TAF2: variants seen among roughly 807,000 people sequenced by gnomAD.
The protein encoded by TAF2 is transcription initiation factor TFIID subunit 2.
TAF2 carries 61 observed loss-of-function variants against 138.5 expected under a neutral mutation model. The ratio of observed to expected loss-of-function variants is 0.44; its 90% CI spans 0.36 to 0.54. TAF2 has a LOEUF of 0.54. Ranked by LOEUF, TAF2 falls within the 20% of genes least tolerant of loss-of-function variation. TAF2 has a pLI of 0.00. For missense variants in TAF2, 1,090 were observed against 1,427.9 expected, an observed-to-expected ratio of 0.76 and a Z score of 3.81; for synonymous variants, 475 against 469.9, an observed-to-expected ratio of 1.01 and a Z score of -0.14.
intron 18 of TAF2, among the ~76,000 whole-genome samples, chr8:119,774,274 T>C (rs1822062479): frequency 6.6e-6 from 1 of 152,176 alleles, no homozygotes; most frequent in Non-Finnish European, 1.5e-5. Context: ...CTAGTATTAA[T>C]GTCTATTAAA....
At position 119,832,602 on chromosome 8, in the gene TAF2, G is replaced by A; in HGVS notation, c.-38C>T. ...CGGAGCTTGGCTTCCCGGCTTCCTA[G>A]GGGGATACGGGGCATTACTAGTCTT... On this transcript the variant is annotated 5_prime_UTR_variant, in exon 1 of 26. Coordinates refer to ENST00000378164, the MANE Select transcript of TAF2 (RefSeq NM_003184.4). 3 of 1,585,488 alleles carry A rather than the reference G, an allele frequency of 1.9e-6. No homozygotes were observed. Among genetic ancestry groups the A allele is most frequent in the Non-Finnish European group, 2.6e-6 (3 of 1,159,436 alleles).
In TAF2 at chr8:119,803,765, T is replaced by C. The variant is rs553477887; in HGVS notation, c.560+113A>G. 1.2e-4 allele frequency: 135 copies of C among 1,099,526 alleles called. 1 individual carries two copies. In the South Asian group the frequency reaches 2.1e-3, roughly 17 times the overall value. 68.1% of individuals were successfully genotyped at this position (1,099,526 alleles called of 1,614,324 possible). A position where few individuals can be genotyped will look rare whatever the true frequency, so the allele number is the denominator to read the frequency against. On this transcript the variant is annotated intron_variant, in intron 5 of 25. Transcript: ENST00000378164. Reference sequence around the variant, plus strand: ...GAAAGTAATTTGAAAGAAGTCTAAATTTGGAAGGGAATAAAACTAGTATTT... The same window carrying C: ...GAAAGTAATTTGAAAGAAGTCTAAACTTGGAAGGGAATAAAACTAGTATTT...
chr8:119,784,313 C>T (rs1196254135), intron 15 of TAF2, among the ~76,000 whole-genome samples: 1 of 152,092 alleles, frequency 6.6e-6, no homozygotes, highest in South Asian at 2.1e-4. Flanking sequence ...CCAGCACTTT[C>T]GGAGGTTGAG....
rs1587628007 is a variant in TAF2, at chr8:119,732,204, C to T, written c.3338-18G>A. 2 of 1,610,330 alleles carry T rather than the reference C, an allele frequency of 1.2e-6. No individual in the cohort carries two copies. Among genetic ancestry groups the T allele is most frequent in the South Asian group, 1.1e-5 (1 of 91,018 alleles). On this transcript the variant is annotated intron_variant, in intron 25 of 25. Coordinates refer to ENST00000378164, the MANE Select transcript of TAF2 (RefSeq NM_003184.4). ...TTCTTTACCTTCAAGATTAAAAATACCCAAATGAATTCCTGCTGATGATAC... is the reference window on the plus strand; with the variant it reads ...TTCTTTACCTTCAAGATTAAAAATATCCAAATGAATTCCTGCTGATGATAC...
intron 3 of TAF2, among the ~76,000 whole-genome samples, chr8:119,813,232 T>C (rs1239091489): frequency 6.6e-6 from 1 of 152,258 alleles, no homozygotes; most frequent in Non-Finnish European, 1.5e-5. Context: ...GTGTTGACTA[T>C]TTGTATATCT....
intron 21 of TAF2, among the ~76,000 whole-genome samples, chr8:119,757,847 G>T (rs1347114945): frequency 6.6e-6 from 1 of 151,840 alleles, no homozygotes; most frequent in Non-Finnish European, 1.5e-5. Flanking sequence ...AGTGAGCCGA[G>T]ATCGTGCCAC....
chr8:119,765,501 A>G (rs1368861477), intron 18 of TAF2, among the ~76,000 whole-genome samples: 1 of 152,172 alleles, frequency 6.6e-6, no homozygotes, highest in Non-Finnish European at 1.5e-5. Flanking sequence ...GAAAATGAGT[A>G]TGTTAAAGGA....
intron 6 of TAF2, among the ~76,000 whole-genome samples, chr8:119,800,068 C>T (rs1824142818): frequency 1.3e-5 from 2 of 152,124 alleles, no homozygotes; most frequent in Non-Finnish European, 2.9e-5. Context: ...GAGTAGATTG[C>T]AAAAATTTTT....
chr8:119,757,979 A>G, intron 21 of TAF2, 94 bp downstream of exon 21: 4 of 1,051,798 alleles, frequency 3.8e-6, no homozygotes, highest in Non-Finnish European at 5.9e-6. Flanking sequence ...CATATTTTCA[A>G]AAATCATAAA....
intron 2 of TAF2, among the ~76,000 whole-genome samples, chr8:119,830,401 T>C (rs1439251226): frequency 1.3e-5 from 2 of 152,190 alleles, no homozygotes; most frequent in Admixed American, 1.3e-4. Context: ...TTTTCACTAA[T>C]GCTATCTTCA....
intron 11 of TAF2, among the ~76,000 whole-genome samples, chr8:119,789,947 T>C (rs1823302649): frequency 6.6e-6 from 1 of 152,140 alleles, no homozygotes; most frequent in South Asian, 2.1e-4. Flanking sequence ...CCATTCTTCA[T>C]ATAAACATTA....
chr8:119,743,768 G>T (rs1030494652), intron 24 of TAF2, among the ~76,000 whole-genome samples: 1 of 151,970 alleles, frequency 6.6e-6, no homozygotes, highest in Admixed American at 6.6e-5. Flanking sequence ...ACATAAAAAT[G>T]AAAAACAACC....
At chr8:119,732,744 C>T (rs765494792) in intron 25 of TAF2, among the ~76,000 whole-genome samples, 2 of 152,118 alleles carry the variant, frequency 1.3e-5, no homozygotes, top group African/African-American at 2.4e-5. Flanking sequence ...GCCGAGGTTG[C>T]AGTGAGCTGA....
rs1028126070 is a variant in TAF2 at position 119,832,775 on chromosome 8, T to C, written c.-211A>G. ...AGAAGCCGCCGTCGACAAGCTTCTG[T>C]CACAGAGATGCTCCTCTCCGCAAGG... On this transcript the variant is annotated 5_prime_UTR_variant, in exon 1 of 26. The change abolishes the stop of an existing upstream ORF in the 5' untranslated region. Transcript: ENST00000378164. The C allele has an allele frequency of 4.5e-5, 23 of 510,252 alleles. No homozygotes were observed. Among genetic ancestry groups the C allele is most frequent in the African/African-American group, 4.2e-4 (22 of 51,930 alleles). 31.6% of individuals were successfully genotyped at this position (510,252 alleles called of 1,614,324 possible). A position where few individuals can be genotyped will look rare whatever the true frequency, so the allele number is the denominator to read the frequency against.
chr8:119,731,925 C>A lies in TAF2; in HGVS notation c.3599G>T (p.Ter1200LeuextTer41). The A allele has an allele frequency of 6.2e-7, 1 of 1,613,852 alleles. No individual in the cohort carries two copies. The highest frequency in any genetic ancestry group is 1.1e-5 in the South Asian group (1 of 91,022). Residue 1200 changes from the stop codon to leucine (L), a stop_lost, in exon 26 of 26, where the codon TGA becomes TTA. Transcript: ENST00000378164. ...AGGAAAGGTCTTTTTGTCCCCTTCTCAGTCTGAAAGGGAAGGAGAACGAAT... is the reference window on the plus strand; with the variant it reads ...AGGAAAGGTCTTTTTGTCCCCTTCTAAGTCTGAAAGGGAAGGAGAACGAAT... ...RSIRSPSLSD[*>L]
In TAF2 at chr8:119,760,593, T is replaced by C. The variant is rs1019271971; in HGVS notation, c.2698+6A>G. 6.2e-7 allele frequency: 1 copy of C among 1,612,232 alleles called. No homozygotes were observed. Among genetic ancestry groups the C allele is most frequent in the Admixed American group, 1.7e-5 (1 of 59,998 alleles). On this transcript the variant is annotated splice_donor_region_variant and intron_variant, in intron 20 of 25. Coordinates refer to ENST00000378164, the MANE Select transcript of TAF2 (RefSeq NM_003184.4). ...ATGATATGAGCACGTATTTCTAAAG[T>C]ATTACCTTTAGTATAATCAACAACT...
At chr8:119,755,864 T>A (rs1028505100) in intron 22 of TAF2, 142 bp downstream of exon 22, 2 of 655,788 alleles carry the variant, frequency 3.0e-6, no homozygotes, top group African/African-American at 3.7e-5. Context: ...GCCACCACTG[T>A]GAAGGTGTGA....
chr8:119,769,661 C>T (rs1185603388), intron 18 of TAF2, among the ~76,000 whole-genome samples: 1 of 151,720 alleles, frequency 6.6e-6, no homozygotes, highest in Non-Finnish European at 1.5e-5. Flanking sequence ...ACTTAAAGCA[C>T]TTCAAAACAC....
chr8:119,803,116 A>C (rs1246837965), intron 5 of TAF2, among the ~76,000 whole-genome samples: 1 of 152,142 alleles, frequency 6.6e-6, no homozygotes, highest in African/African-American at 2.4e-5. Flanking sequence ...GTTTCAAAAA[A>C]AATAAATAAA....
Sources: gnomAD v4.1 joint callset for allele counts (sites outside exome capture counted in the v4.1 genomes callset) on GRCh38, gnomAD v4.1.1 for gene constraint, MANE v1.5 for transcripts, NCBI Gene and HGNC (gene_info 2026-07-23, HGNC 2026-07-21) for gene names.